Variants in KANSL1 observed in about 807,000 individuals in gnomAD.
KANSL1 encodes the protein MLL1/MLL complex subunit KANSL1.
KANSL1 carries 22 observed loss-of-function variants against 103.6 expected under a neutral mutation model. The observed-to-expected ratio is 0.21, with a 90% CI of 0.15 to 0.30. KANSL1 has a LOEUF of 0.30. KANSL1 is among the 10% of genes least tolerant of loss of function. The probability of loss-of-function intolerance (pLI) is 1.00; values close to 1 mark genes in which losing one functional copy is unlikely to be tolerated. For missense variants in KANSL1, 1,337 were observed against 1,399.8 expected, an observed-to-expected ratio of 0.96 and a Z score of 0.72; for synonymous variants, 600 against 527.6, an observed-to-expected ratio of 1.14 and a Z score of -1.88.
intron 3 of KANSL1, chr17:46,088,346 TC>T (rs2079244072): frequency 1.3e-5 from 2 of 152,306 alleles, no homozygotes; most frequent in South Asian, 4.1e-4. Context: ...GCAGACCAGT[TC>T]CACAAGAATC....
intron 1 of KANSL1, chr17:46,214,985 G>C (rs2048295903): frequency 6.6e-6 from 1 of 152,242 alleles, no homozygotes; most frequent in African/African-American, 2.4e-5. Context: ...TATGAACTCT[G>C]ATCATAAAGT....
chr17:46,082,333 TC>T, intron 4 of KANSL1, 107 bp downstream of exon 4: 1 of 644,376 alleles, frequency 1.6e-6, no homozygotes, highest in South Asian at 2.1e-5. Flanking sequence ...TAGATACAGT[TC>T]CCCTTCTTCA....
chr17:46,209,312 T>G (rs1035834425), intron 1 of KANSL1, among the ~76,000 whole-genome samples: 3 of 152,242 alleles, frequency 2.0e-5, no homozygotes, highest in Non-Finnish European at 4.4e-5. Context: ...TGATATTATA[T>G]AATTCTTATT....
At position 46,110,306 on chromosome 17, in the gene KANSL1, CAG is replaced by C. The variant is rs1227132199; in HGVS notation, c.1290-15607_1290-15606del. Among the ~76,000 whole-genome samples the C allele has an allele frequency of 3.3e-5, 5 of 152,256 alleles. No individual in the cohort carries two copies. The East Asian group carries it at 9.6e-4, about 29-fold the overall frequency. On this transcript the variant is annotated intron_variant, in intron 2 of 14. Transcript: ENST00000432791. ...GTGTTTCCTCATGAGAATTAAGTAA[CAG>C]AAATTATAGGAATCACAAATGAAGT... is the stretch of plus-strand genomic sequence containing the variant.
chr17:46,051,048 T>C (rs890913349), intron 6 of KANSL1, among the ~76,000 whole-genome samples: 1 of 152,236 alleles, frequency 6.6e-6, no homozygotes, highest in African/African-American at 2.4e-5. Flanking sequence ...AAACTCTGCA[T>C]GCTTTCACGA....
Position 46,086,424 on chromosome 17 carries a change from C to T in KANSL1, c.1432-3882G>A, listed in dbSNP as rs542086401. Among the ~76,000 whole-genome samples the T allele has an allele frequency of 5.0e-4, 76 of 152,250 alleles. 1 individual carries two copies. The highest frequency in any genetic ancestry group is 1.8e-3 in the African/African-American group (74 of 41,558). ...TCTGCATCTAACTAATATTTCATTC[C>T]TCTTTTGTTCAGTTAATTAAATCAT... On this transcript the variant is annotated intron_variant, in intron 3 of 14. Transcript: ENST00000432791.
At chr17:46,205,478 TC>T (rs1359241047) in intron 1 of KANSL1, among the ~76,000 whole-genome samples, 1 of 151,640 alleles carries the variant, frequency 6.6e-6, no homozygotes, top group African/African-American at 2.4e-5. Context: ...GGTCAGGAGT[TC>T]AAGACTAGCC....
At chr17:46,158,361 G>A (rs2045543023) in intron 2 of KANSL1, among the ~76,000 whole-genome samples, 1 of 149,278 alleles carries the variant, frequency 6.7e-6, no homozygotes, top group South Asian at 2.1e-4. Flanking sequence ...TTCCATTAGA[G>A]ACTTTTTTTT....
At chr17:46,170,102 ACTGCACTC>A (rs149305238) in intron 2 of KANSL1, among the ~76,000 whole-genome samples, 3 of 152,142 alleles carry the variant, frequency 2.0e-5, no homozygotes, top group East Asian at 1.9e-4. Flanking sequence ...AGATCGCACT[ACTGCACTC>A]CTGCACTCCA....
chr17:46,047,782 T>C (rs1405201341), intron 7 of KANSL1, among the ~76,000 whole-genome samples: 1 of 141,908 alleles, frequency 7.0e-6, no homozygotes, highest in Non-Finnish European at 1.5e-5. Context: ...AGCAAGACCC[T>C]GTATCTAAAA....
At chr17:46,037,313 TAGATA>T in intron 10 of KANSL1, 1 of 152,324 alleles carries the variant, frequency 6.6e-6, no homozygotes. Flanking sequence ...CACACCTATT[TAGATA>T]AAATTTGTGG....
At chr17:46,205,672 C>T (rs1425890619) in intron 1 of KANSL1, among the ~76,000 whole-genome samples, 3 of 114,894 alleles carry the variant, frequency 2.6e-5, no homozygotes, top group Non-Finnish European at 5.6e-5. Flanking sequence ...CAGAATGAGA[C>T]ACTGTCTCAA....
chr17:46,090,169 T>C (rs1359395308), intron 3 of KANSL1, among the ~76,000 whole-genome samples: 1 of 152,200 alleles, frequency 6.6e-6, no homozygotes, highest in Non-Finnish European at 1.5e-5. Flanking sequence ...TGCAGTGATG[T>C]AGCTACAGGC....
chr17:46,185,413 T>C (rs2046974474), intron 1 of KANSL1, among the ~76,000 whole-genome samples: 2 of 152,190 alleles, frequency 1.3e-5, no homozygotes, highest in South Asian at 4.1e-4. Flanking sequence ...ACTTTTTAAC[T>C]ACACTTTTTA....
rs773020756 is a variant in KANSL1 at position 46,047,818 on chromosome 17, AC to A, written c.2020+2714del. Among the ~76,000 whole-genome samples, 198 of 126,502 alleles carry A rather than the reference AC, an allele frequency of 1.6e-3. 2 individuals carry two copies. Among genetic ancestry groups the A allele is most frequent in the African/African-American group, 2.8e-3 (103 of 36,214 alleles). 83.0% of individuals were successfully genotyped at this position (126,502 alleles called of 152,430 possible). On this transcript the variant is annotated intron_variant, in intron 7 of 14. Coordinates refer to ENST00000432791, the MANE Select transcript of KANSL1 (RefSeq NM_015443.4). Reference sequence around the variant, plus strand: ...AATAAAAATTAAAAAAAAAAAAAAAACAAAAAAAAAACTTACAGACTACCTG... The same window carrying A: ...AATAAAAATTAAAAAAAAAAAAAAAAAAAAAAAAAACTTACAGACTACCTG...
chr17:46,091,848 G>A (rs190829684), intron 3 of KANSL1, among the ~76,000 whole-genome samples: 9 of 120,648 alleles, frequency 7.5e-5, no homozygotes, highest in African/African-American at 1.3e-4. Flanking sequence ...ACAGAGACTC[G>A]CTCTGCTTTG....
intron 2 of KANSL1, among the ~76,000 whole-genome samples, chr17:46,097,682 A>G (rs750265242): frequency 1.3e-5 from 2 of 152,162 alleles, no homozygotes; most frequent in Non-Finnish European, 2.9e-5. Flanking sequence ...CCACAAAACT[A>G]TTTTCCCAGA....
At chr17:46,177,191 TATG>T (rs1465095650) in intron 1 of KANSL1, among the ~76,000 whole-genome samples, 1 of 152,216 alleles carries the variant, frequency 6.6e-6, no homozygotes, top group African/African-American at 2.4e-5. Flanking sequence ...ACAAGGATGC[TATG>T]ATGATGAAAT....
chr17:46,199,392 T>G (rs868391586), intron 1 of KANSL1, among the ~76,000 whole-genome samples: 51 of 152,372 alleles, frequency 3.3e-4, no homozygotes, highest in Middle Eastern at 6.8e-3. Flanking sequence ...AAAATCCTCA[T>G]ACTGATTACA....
Sources: gnomAD v4.1 joint callset for allele counts (sites outside exome capture counted in the v4.1 genomes callset) on GRCh38, gnomAD v4.1.1 for gene constraint, MANE v1.5 for transcripts, NCBI Gene and HGNC (gene_info 2026-07-23, HGNC 2026-07-21) for gene names.